AGMO: variants seen among roughly 807,000 people sequenced by gnomAD.
AGMO encodes alkylglycerol monooxygenase, also known as glyceryl-ether monooxygenase.
A neutral mutation model predicts 60.2 loss-of-function variants in AGMO; 75 were observed. The ratio of observed to expected loss-of-function variants is 1.25; its 90% CI spans 1.03 to 1.51. The LOEUF is 1.51. Among genes scored for constraint, AGMO ranks in the 40% most tolerant of loss-of-function variants. AGMO has a pLI of 0.00. For missense variants in AGMO, 763 were observed against 525.5 expected (o/e 1.45, Z -4.42); for synonymous variants, 261 against 177.1 (o/e 1.47, Z -3.76).
chr7:15,439,828 A>C (rs558308417), intron 3 of AGMO, among the ~76,000 whole-genome samples: 1 of 152,162 alleles, frequency 6.6e-6, no homozygotes, highest in South Asian at 2.1e-4. Context: ...AACATGCCAG[A>C]TCAAGGAGGA....
intron 3 of AGMO, among the ~76,000 whole-genome samples, chr7:15,540,780 T>C (rs1479784991): frequency 6.6e-6 from 1 of 152,244 alleles, no homozygotes; most frequent in Admixed American, 6.5e-5. Context: ...TATAGCATTC[T>C]GCCTTAGAAC....
In AGMO at chr7:15,278,453, A is replaced by G. The variant is rs77577806; in HGVS notation, c.1264-77094T>C. 7.9e-3 allele frequency among the ~76,000 whole-genome samples: 1,195 copies of G among 152,174 alleles called. 6 individuals carry two copies. Among genetic ancestry groups the G allele is most frequent in the South Asian group, 0.012 (59 of 4,822 alleles). On this transcript the variant is annotated intron_variant, in intron 12 of 12. Coordinates refer to ENST00000342526, the MANE Select transcript of AGMO (RefSeq NM_001004320.2). The stretch of plus-strand genomic sequence containing the variant: ...CAAGGGACTGGACTGGGACTGGGCC[A>G]GTGAACTAGTTCTCAGGGCCCCAGA...
At position 15,527,387 on chromosome 7, in the gene AGMO, T is replaced by C. The variant is rs1052975381; in HGVS notation, c.409+17385A>G. On this transcript the variant is annotated intron_variant, in intron 3 of 12. Transcript: ENST00000342526. ...AAGATCAAACTAGCCACAATTTCCT[T>C]TGGGCCAAAGCCTAATCCAGAGCAA... Among the ~76,000 whole-genome samples the C allele has an allele frequency of 8.5e-5, 13 of 152,306 alleles. No individual in the cohort carries two copies. In the South Asian group the frequency reaches 2.5e-3, roughly 29 times the overall value.
Position 15,282,582 on chromosome 7 carries a change from T to C in AGMO, c.1264-81223A>G, listed in dbSNP as rs1243853408. Among the ~76,000 whole-genome samples, 9 of 152,170 alleles carry C rather than the reference T, an allele frequency of 5.9e-5. No homozygotes were observed. The East Asian group carries it at 1.2e-3, about 20-fold the overall frequency. On this transcript the variant is annotated intron_variant, in intron 12 of 12. Coordinates refer to ENST00000342526, the MANE Select transcript of AGMO (RefSeq NM_001004320.2). ...TGTCTCCAAGAAATATGAAATTATT[T>C]AAAATGGCCAGACCTAAAAATAACT...
intron 12 of AGMO, among the ~76,000 whole-genome samples, chr7:15,256,411 C>G (rs532326852): frequency 1.1e-3 from 169 of 152,242 alleles, no homozygotes; most frequent in African/African-American, 3.8e-3. Flanking sequence ...GGCGCAATCT[C>G]GGCTCACTGC....
chr7:15,341,412 C>T (rs1487368533), intron 12 of AGMO, among the ~76,000 whole-genome samples: 2 of 152,206 alleles, frequency 1.3e-5, no homozygotes, highest in Non-Finnish European at 2.9e-5. Flanking sequence ...GTCACCTTTG[C>T]TCCAGTTCCC....
Position 15,385,512 on chromosome 7 carries a change from C to T in AGMO, c.1008G>A (p.Lys336=), listed in dbSNP as rs752295082. The T allele has an allele frequency of 2.5e-6, 4 of 1,613,376 alleles. No individual in the cohort carries two copies. In the African/African-American group the frequency reaches 4.0e-5, roughly 16 times the overall value. Residue 336 remains lysine (K), a synonymous_variant, in exon 10 of 13, where the codon AAG becomes AAA. Coordinates refer to ENST00000342526, the MANE Select transcript of AGMO (RefSeq NM_001004320.2). ...PFSSSSSQLL[K]IYTVVQFALM... is the part of the protein sequence containing the mutation. ...GAGCAAACTGTACAACTGTATATAT[C>T]TTTAATAGCTGAGATGAAGATGATG...
chr7:15,484,030 G>C (rs756599614), intron 3 of AGMO, among the ~76,000 whole-genome samples: 3 of 151,938 alleles, frequency 2.0e-5, no homozygotes, highest in African/African-American at 4.8e-5. Flanking sequence ...TATTCATTTT[G>C]GTGAGTATAA....
intron 12 of AGMO, among the ~76,000 whole-genome samples, chr7:15,358,886 T>C (rs563564385): frequency 6.6e-6 from 1 of 152,214 alleles, no homozygotes; most frequent in East Asian, 1.9e-4. Flanking sequence ...ATTTTTAAAA[T>C]AAAGCAGGGG....
intron 3 of AGMO, among the ~76,000 whole-genome samples, chr7:15,503,270 A>C (rs1213396194): frequency 1.3e-5 from 2 of 152,046 alleles, no homozygotes; most frequent in Non-Finnish European, 2.9e-5. Flanking sequence ...GTGTCACTTA[A>C]TGCTCACAAG....
chr7:15,375,710 AC>A (rs1248542610), intron 10 of AGMO, among the ~76,000 whole-genome samples: 1 of 152,104 alleles, frequency 6.6e-6, no homozygotes, highest in Non-Finnish European at 1.5e-5. Context: ...CACGTGGAAT[AC>A]TTTTAATGAG....
chr7:15,552,150 A>C (rs1426540740), intron 2 of AGMO, among the ~76,000 whole-genome samples: 1 of 152,122 alleles, frequency 6.6e-6, no homozygotes, highest in Non-Finnish European at 1.5e-5. Flanking sequence ...CCTTCCTTAC[A>C]CCCTATACAA....
At chr7:15,175,760 G>T in the AGMO span, among the ~76,000 whole-genome samples, 129,252 of 151,828 alleles carry the variant, frequency 0.85, 55,188 homozygotes, top group East Asian at 1. Context: ...TTACTTTAAG[G>T]AAAGCATAGT....
intron 12 of AGMO, among the ~76,000 whole-genome samples, chr7:15,326,154 A>G (rs1010448116): frequency 1.3e-5 from 2 of 152,132 alleles, no homozygotes; most frequent in African/African-American, 4.8e-5. Flanking sequence ...CACACATTCT[A>G]TTTATTAAAT....
At chr7:15,398,762 A>T (rs1477047517) in intron 5 of AGMO, among the ~76,000 whole-genome samples, 1 of 152,158 alleles carries the variant, frequency 6.6e-6, no homozygotes, top group Admixed American at 6.6e-5. Flanking sequence ...ATTTTAGGAC[A>T]TACAGAGGGC....
At chr7:15,199,772 T>G (rs1453832898), downstream of AGMO, among the ~76,000 whole-genome samples, 1 of 152,186 alleles carries the variant, frequency 6.6e-6, no homozygotes, top group Non-Finnish European at 1.5e-5. Context: ...GCTTACGTAT[T>G]GTCTATAACT....
chr7:15,484,920 T>C (rs1782871409), intron 3 of AGMO, among the ~76,000 whole-genome samples: 1 of 151,668 alleles, frequency 6.6e-6, no homozygotes, highest in Non-Finnish European at 1.5e-5. Flanking sequence ...ATCAACGAAA[T>C]ATGTAGAGGG....
intron 12 of AGMO, among the ~76,000 whole-genome samples, chr7:15,356,643 T>C (rs1312762919): frequency 6.6e-6 from 1 of 152,080 alleles, no homozygotes; most frequent in Non-Finnish European, 1.5e-5. Context: ...ACAGTGTTAT[T>C]AATACTTGAC....
chr7:15,390,474 GT>G (rs922042392), intron 8 of AGMO, among the ~76,000 whole-genome samples, 196 bp downstream of exon 8: 6 of 152,012 alleles, frequency 3.9e-5, no homozygotes, highest in Admixed American at 3.9e-4. Flanking sequence ...AAAATTACTT[GT>G]TTTAAAATGT....
Sources: allele counts gnomAD v4.1 joint callset (sites outside exome capture counted in the v4.1 genomes callset), GRCh38; gene constraint gnomAD v4.1.1; transcripts MANE v1.5; gene names NCBI Gene and HGNC (gene_info 2026-07-23, HGNC 2026-07-21).